SEMA3D: variants seen among roughly 807,000 people sequenced by gnomAD.
The protein encoded by SEMA3D is semaphorin 3D.
A neutral mutation model predicts 100.1 loss-of-function variants in SEMA3D; 84 were observed. The ratio of observed to expected loss-of-function variants is 0.84; its 90% CI spans 0.70 to 1.01. The LOEUF (loss-of-function observed/expected upper bound fraction) is 1.01. SEMA3D is among the 50% of genes least tolerant of loss of function. The pLI, the probability that SEMA3D is intolerant of heterozygous loss-of-function variation, is 0.00. For missense variants in SEMA3D, 875 were observed against 934.1 expected, an observed-to-expected ratio of 0.94 and a Z score of 0.82; for synonymous variants, 312 against 320.7, an observed-to-expected ratio of 0.97 and a Z score of 0.29.
the SEMA3D span, among the ~76,000 whole-genome samples, chr7:85,244,306 T>G: frequency 1.3e-5 from 2 of 152,180 alleles, no homozygotes; most frequent in Non-Finnish European, 2.9e-5. Context: ...CGCTCACTCC[T>G]GAGAAGTGGC....
At chr7:85,221,211 A>G in the SEMA3D span, among the ~76,000 whole-genome samples, 1 of 152,082 alleles carries the variant, frequency 6.6e-6, no homozygotes, top group Admixed American at 6.6e-5. Flanking sequence ...AACAAGGGAG[A>G]GAGAATAAGG....
In SEMA3D at chr7:85,001,563, A is replaced by G. The variant is rs191102979; in HGVS notation, c.1909-1698T>C. On this transcript the variant is annotated intron_variant, in intron 18 of 18. Transcript: ENST00000284136. The stretch of plus-strand genomic sequence containing the variant: ...TTTTCCCTTAGATAATTTCATTGTA[A>G]TTTTTTAAAATTTAATACACTTTAG... Among the ~76,000 whole-genome samples the G allele has an allele frequency of 2.1e-4, 32 of 152,108 alleles. 1 individual carries two copies. The East Asian group carries it at 6.2e-3, about 30-fold the overall frequency.
At chr7:85,230,812 G>T in the SEMA3D span, among the ~76,000 whole-genome samples, 3 of 152,092 alleles carry the variant, frequency 2.0e-5, no homozygotes, top group Non-Finnish European at 2.9e-5. Flanking sequence ...CGTTAAACTA[G>T]TCTGCTTCCT....
chr7:85,103,204 GA>G (rs1310142360), intron 3 of SEMA3D, among the ~76,000 whole-genome samples: 1 of 151,462 alleles, frequency 6.6e-6, no homozygotes, highest in Admixed American at 6.6e-5. Flanking sequence ...AACCAAAACA[GA>G]AAAAAAATTG....
At chr7:85,135,881 T>C (rs781450186) in intron 2 of SEMA3D, among the ~76,000 whole-genome samples, 13 of 151,918 alleles carry the variant, frequency 8.6e-5, no homozygotes, top group Non-Finnish European at 1.8e-4. Flanking sequence ...ATTGTTGAGT[T>C]GTATCCAGAA....
chr7:85,059,205 A>G, intron 8 of SEMA3D, among the ~76,000 whole-genome samples: 1 of 152,240 alleles, frequency 6.6e-6, no homozygotes, highest in African/African-American at 2.4e-5. Context: ...TTAAACATAT[A>G]CAAATACAAA....
At chr7:85,029,224 C>T (rs185765558) in intron 12 of SEMA3D, 4 of 729,804 alleles carry the variant, frequency 5.5e-6, no homozygotes, top group Non-Finnish European at 1.0e-5. Flanking sequence ...ATTGAAGTCA[C>T]CTTTGATATT....
intron 3 of SEMA3D, 85 bp downstream of exon 3, chr7:85,121,656 G>A (rs1789415663): frequency 1.4e-6 from 1 of 729,432 alleles, no homozygotes; most frequent in Non-Finnish European, 2.2e-6. Context: ...AAGTCAATAT[G>A]CTTTTCTAAA....
chr7:85,232,270 A>G, the SEMA3D span, among the ~76,000 whole-genome samples: 1 of 152,174 alleles, frequency 6.6e-6, no homozygotes, highest in Admixed American at 6.5e-5. Flanking sequence ...TGTAAGACTA[A>G]TTGTTGTGGG....
At chr7:85,116,718 T>C (rs1211661895) in intron 3 of SEMA3D, among the ~76,000 whole-genome samples, 1 of 152,094 alleles carries the variant, frequency 6.6e-6, no homozygotes, top group Non-Finnish European at 1.5e-5. Context: ...TTCCATGTTA[T>C]ATTCTAGAAG....
the SEMA3D span, among the ~76,000 whole-genome samples, chr7:85,250,175 CG>C: frequency 6.6e-6 from 1 of 151,654 alleles, no homozygotes; most frequent in Admixed American, 6.6e-5. Flanking sequence ...TAAAAAATGG[CG>C]CACCACGAGA....
chr7:85,240,315 A>G, the SEMA3D span, among the ~76,000 whole-genome samples: 63 of 152,114 alleles, frequency 4.1e-4, no homozygotes, highest in African/African-American at 1.5e-3. Flanking sequence ...TGATTTTCCA[A>G]TGTTGAACCA....
intron 1 of SEMA3D, chr7:85,167,159 G>A (rs918620840): frequency 7.8e-6 from 4 of 513,842 alleles, no homozygotes; most frequent in Non-Finnish European, 1.0e-5. Flanking sequence ...ACAATATTAT[G>A]TTTCATCATG....
chr7:85,059,530 G>A (rs1562800851), intron 8 of SEMA3D, among the ~76,000 whole-genome samples: 1 of 152,116 alleles, frequency 6.6e-6, no homozygotes, highest in Non-Finnish European at 1.5e-5. Context: ...AAATTTCAGT[G>A]TCCTGTCAAA....
At chr7:85,148,770 C>T (rs1790284357) in intron 2 of SEMA3D, among the ~76,000 whole-genome samples, 2 of 151,768 alleles carry the variant, frequency 1.3e-5, no homozygotes, top group African/African-American at 4.8e-5. Flanking sequence ...CAGATAATGT[C>T]TCTAATTATA....
At chr7:85,156,330 T>C (rs1400197896) in intron 1 of SEMA3D, among the ~76,000 whole-genome samples, 2 of 151,844 alleles carry the variant, frequency 1.3e-5, no homozygotes, top group Non-Finnish European at 1.5e-5. Context: ...CTCTATCTCC[T>C]GAACTCATGA....
At chr7:85,200,055 G>A in the SEMA3D span, among the ~76,000 whole-genome samples, 1 of 152,190 alleles carries the variant, frequency 6.6e-6, no homozygotes, top group African/African-American at 2.4e-5. Flanking sequence ...CACCCATGTG[G>A]AACTGTATGT....
chr7:85,094,498 A>G (rs1001648049), intron 4 of SEMA3D, among the ~76,000 whole-genome samples: 1 of 151,978 alleles, frequency 6.6e-6, no homozygotes, highest in East Asian at 1.9e-4. Flanking sequence ...TCACAGCTCA[A>G]TTCTCCCTTT....
the SEMA3D span, among the ~76,000 whole-genome samples, chr7:85,212,388 A>G: frequency 1.3e-5 from 2 of 152,136 alleles, no homozygotes; most frequent in Non-Finnish European, 2.9e-5. Context: ...CTTGAACCCC[A>G]TCAATGGAAA....
Sources: allele counts gnomAD v4.1 joint callset (sites outside exome capture counted in the v4.1 genomes callset), GRCh38; gene constraint gnomAD v4.1.1; transcripts MANE v1.5; gene names NCBI Gene and HGNC (gene_info 2026-07-23, HGNC 2026-07-21).